The following KMT5B variants were observed in gnomAD, a reference collection of about 807,000 sequenced individuals.
KMT5B encodes the protein histone-lysine N-methyltransferase KMT5B.
In KMT5B, 10 loss-of-function variants were observed where a neutral mutation model predicts 83.2. The ratio of observed to expected loss-of-function variants is 0.12; its 90% CI spans 0.07 to 0.20. The LOEUF (loss-of-function observed/expected upper bound fraction) is 0.20, where lower values mean the gene tolerates loss of function less well. Among genes scored for constraint, KMT5B ranks in the 10% least tolerant of loss-of-function variants. The pLI is 1.00. For missense variants in KMT5B, 753 were observed against 1,067.2 expected (o/e 0.71, Z 4.10); for synonymous variants, 349 against 388.8 (o/e 0.90, Z 1.20).
chr11:68,201,846 G>A (rs568698772), intron 1 of KMT5B, among the ~76,000 whole-genome samples: 31 of 150,934 alleles, frequency 2.1e-4, no homozygotes, highest in African/African-American at 4.6e-4. Flanking sequence ...TAGGGAGGCC[G>A]AAGCAGGTGG....
intron 9 of KMT5B, among the ~76,000 whole-genome samples, chr11:68,170,525 A>G (rs11228148): frequency 0.12 from 18,583 of 152,178 alleles, 1,297 homozygotes; most frequent in East Asian, 0.23. Flanking sequence ...GGATTTCTGT[A>G]AAGACTCCAG....
At chr11:68,205,278 A>G (rs1475057455) in intron 1 of KMT5B, among the ~76,000 whole-genome samples, 1 of 152,138 alleles carries the variant, frequency 6.6e-6, no homozygotes, top group East Asian at 1.9e-4. Context: ...TGATCATGCC[A>G]CTGCACTCCA....
intron 1 of KMT5B, among the ~76,000 whole-genome samples, chr11:68,191,488 C>T (rs1858057563): frequency 6.6e-6 from 1 of 152,050 alleles, no homozygotes; most frequent in Admixed American, 6.6e-5. Context: ...CGTGCACCAC[C>T]ACACCCAGCT....
At chr11:68,203,164 C>T (rs1009991934) in intron 1 of KMT5B, among the ~76,000 whole-genome samples, 1 of 151,854 alleles carries the variant, frequency 6.6e-6, no homozygotes, top group African/African-American at 2.4e-5. Context: ...TTAGGAGAGA[C>T]GAGGTTTCAC....
chr11:68,186,185 T>G (rs1022501914), intron 2 of KMT5B, among the ~76,000 whole-genome samples: 11 of 152,128 alleles, frequency 7.2e-5, no homozygotes, highest in African/African-American at 2.4e-4. Context: ...TCGTGAGAAT[T>G]TGGTTCAAAT....
At chr11:68,164,253 A>G (rs1855112871) in intron 10 of KMT5B, among the ~76,000 whole-genome samples, 1 of 152,208 alleles carries the variant, frequency 6.6e-6, no homozygotes, top group Non-Finnish European at 1.5e-5. Flanking sequence ...AACTACTCAG[A>G]ACATTTTTTT....
intron 1 of KMT5B, among the ~76,000 whole-genome samples, chr11:68,211,326 T>C (rs138075822): frequency 7.5e-4 from 114 of 152,176 alleles, no homozygotes; most frequent in African/African-American, 2.7e-3. Flanking sequence ...CAGTTCAGGG[T>C]GTTTGGGAAA....
At chr11:68,174,756 T>A (rs753621442) in intron 5 of KMT5B, among the ~76,000 whole-genome samples, 2 of 152,104 alleles carry the variant, frequency 1.3e-5, no homozygotes, top group African/African-American at 4.8e-5. Flanking sequence ...TTGCCCAGGC[T>A]GGTCTCGAAG....
chr11:68,167,496 C>T (rs182490362), intron 9 of KMT5B, among the ~76,000 whole-genome samples: 335 of 151,178 alleles, frequency 2.2e-3, no homozygotes, highest in Non-Finnish European at 3.5e-3. Flanking sequence ...ACTCTACCGC[C>T]CAGGCTGGAA....
At chr11:68,209,823 C>T (rs552541933) in intron 1 of KMT5B, among the ~76,000 whole-genome samples, 1 of 151,940 alleles carries the variant, frequency 6.6e-6, no homozygotes, top group South Asian at 2.1e-4. Flanking sequence ...AGAGGTTTAT[C>T]ACCAGCAAAT....
Position 68,180,062 on chromosome 11 carries a change from A to G in KMT5B, c.377+70T>C. ...ATGCTGACACTTCAAATTACTTAAC[A>G]TAAAAGAACATTTTAAAAGGCTAGA... On this transcript the variant is annotated intron_variant, in intron 4 of 10. Coordinates refer to ENST00000304363, the MANE Select transcript of KMT5B (RefSeq NM_017635.5). 3 of 1,479,682 alleles carry G rather than the reference A, an allele frequency of 2.0e-6. No individual in the cohort carries two copies. In the Admixed American group the frequency reaches 7.2e-5, roughly 35 times the overall value. The allele number at this position is 1,479,682 out of a possible 1,614,324, so 91.7% of individuals were successfully genotyped here.
chr11:68,182,735 A>ATTTT (rs1013344475), intron 3 of KMT5B, among the ~76,000 whole-genome samples: 1 of 139,188 alleles, frequency 7.2e-6, no homozygotes, highest in Non-Finnish European at 1.6e-5. Flanking sequence ...TTTCATTGTA[A>ATTTT]TTTTTTTTTT....
In KMT5B at chr11:68,197,553, T is replaced by TA. The variant is rs1390073012; in HGVS notation, c.-76-7402dup. Reference sequence around the variant, plus strand: ...ATTCACCAACAAATCACTTTAGTAATAGCAAACTTTGGTTCAATTCATGGA... The same window carrying TA: ...ATTCACCAACAAATCACTTTAGTAATAAGCAAACTTTGGTTCAATTCATGGA... On this transcript the variant is annotated intron_variant, in intron 1 of 10. Coordinates refer to ENST00000304363, the MANE Select transcript of KMT5B (RefSeq NM_017635.5). 2.0e-5 allele frequency among the ~76,000 whole-genome samples: 3 copies of TA among 152,222 alleles called. No homozygotes were observed. The East Asian group carries it at 5.8e-4, about 29-fold the overall frequency.
At chr11:68,161,979 T>A (rs1035069443) in intron 10 of KMT5B, among the ~76,000 whole-genome samples, 2 of 152,140 alleles carry the variant, frequency 1.3e-5, no homozygotes, top group Admixed American at 1.3e-4. Context: ...CCTTTCGAGG[T>A]CTCCATCTTG....
intron 3 of KMT5B, among the ~76,000 whole-genome samples, chr11:68,184,567 C>G (rs1009400060): frequency 6.6e-6 from 1 of 152,168 alleles, no homozygotes; most frequent in African/African-American, 2.4e-5. Context: ...CTACCTCTCC[C>G]AACTACTGAT....
At chr11:68,208,443 A>T (rs75390942) in intron 1 of KMT5B, among the ~76,000 whole-genome samples, 5,689 of 150,746 alleles carry the variant, frequency 0.038, 703 homozygotes, top group East Asian at 0.26. Context: ...ACAGAGTGAG[A>T]CTCTGTCTCC....
intron 4 of KMT5B, chr11:68,179,926 ATTTG>A (rs1256060334): frequency 2.3e-5 from 13 of 571,550 alleles, no homozygotes; most frequent in African/African-American, 7.5e-5. Context: ...TTGAAGAATG[ATTTG>A]TTTCTCTTAA....
chr11:68,184,405 C>T (rs1253792253), intron 3 of KMT5B, among the ~76,000 whole-genome samples: 2 of 151,966 alleles, frequency 1.3e-5, no homozygotes, highest in African/African-American at 4.8e-5. Context: ...ATGAAAAAAA[C>T]AAAAGCATAT....
At chr11:68,165,965 C>G (rs764920772) in intron 10 of KMT5B, 1 of 1,612,892 alleles carries the variant, frequency 6.2e-7, no homozygotes. Context: ...TGGAAGAGAG[C>G]ACCCAGTGTT....
Sources: allele counts gnomAD v4.1 joint callset (sites outside exome capture counted in the v4.1 genomes callset), GRCh38; gene constraint gnomAD v4.1.1; transcripts MANE v1.5; gene names NCBI Gene and HGNC (gene_info 2026-07-23, HGNC 2026-07-21).